Variants in FER observed in about 807,000 individuals in gnomAD.
The protein encoded by FER is tyrosine-protein kinase Fer.
A neutral mutation model predicts 111.0 loss-of-function variants in FER; 63 were observed. The ratio of observed to expected loss-of-function variants is 0.57; its 90% CI spans 0.46 to 0.70. The LOEUF (loss-of-function observed/expected upper bound fraction) is 0.70, where lower values mean the gene tolerates loss of function less well. FER is among the 30% of genes least tolerant of loss of function. FER has a pLI of 0.00. For missense variants in FER, 914 were observed against 954.0 expected (o/e 0.96, Z 0.55); for synonymous variants, 327 against 313.9 (o/e 1.04, Z -0.44).
intron 10 of FER, chr5:108,924,750 C>A: frequency 8.1e-7 from 1 of 1,232,026 alleles, no homozygotes; most frequent in Non-Finnish European, 1.0e-6. Context: ...CTTTAATGTT[C>A]AGCTCTGAGC....
chr5:109,089,924 C>T (rs371040771), intron 16 of FER, among the ~76,000 whole-genome samples: 12 of 152,258 alleles, frequency 7.9e-5, no homozygotes, highest in African/African-American at 2.6e-4. Flanking sequence ...TCCTGTGGTA[C>T]CAAAGGACCT....
chr5:108,779,730 G>A (rs887154009), intron 2 of FER, among the ~76,000 whole-genome samples: 4 of 152,160 alleles, frequency 2.6e-5, no homozygotes, highest in African/African-American at 9.7e-5. Context: ...CTTGTCATCT[G>A]TGAACAAACA....
chr5:108,787,942 T>C (rs1754925220), intron 2 of FER, among the ~76,000 whole-genome samples: 1 of 152,162 alleles, frequency 6.6e-6, no homozygotes, highest in Non-Finnish European at 1.5e-5. Context: ...GTGGGACAAG[T>C]GCTTGGGACC....
chr5:108,788,061 G>A (rs1004114484), intron 2 of FER, among the ~76,000 whole-genome samples: 3 of 152,304 alleles, frequency 2.0e-5, no homozygotes, highest in Non-Finnish European at 2.9e-5. Context: ...TGGCCCTTCT[G>A]GGATTCCAGA....
At chr5:108,796,220 A>C (rs554632962) in intron 2 of FER, among the ~76,000 whole-genome samples, 5 of 152,206 alleles carry the variant, frequency 3.3e-5, no homozygotes, top group Non-Finnish European at 7.3e-5. Flanking sequence ...ACTTTCTCCC[A>C]AACAAATGGA....
chr5:109,065,620 C>T (rs1774998932), intron 16 of FER, among the ~76,000 whole-genome samples: 1 of 152,070 alleles, frequency 6.6e-6, no homozygotes, highest in Non-Finnish European at 1.5e-5. Flanking sequence ...CTTTGGGAGC[C>T]TAAGGGTGGT....
At chr5:108,774,019 C>A (rs888170969) in intron 2 of FER, among the ~76,000 whole-genome samples, 4 of 151,932 alleles carry the variant, frequency 2.6e-5, no homozygotes, top group Non-Finnish European at 4.4e-5. Context: ...GTTTGCCGCA[C>A]CTATTGACCC....
At chr5:108,762,758 C>T (rs1198940876) in intron 1 of FER, among the ~76,000 whole-genome samples, 1 of 152,154 alleles carries the variant, frequency 6.6e-6, no homozygotes, top group Non-Finnish European at 1.5e-5. Flanking sequence ...ACACAGGCCT[C>T]CTTGTTTTTC....
chr5:109,095,003 A>T (rs1339780419), intron 16 of FER, among the ~76,000 whole-genome samples: 1 of 152,078 alleles, frequency 6.6e-6, no homozygotes, highest in Non-Finnish European at 1.5e-5. Context: ...TTAAAAATAC[A>T]GTGAAATGTA....
intron 13 of FER, among the ~76,000 whole-genome samples, chr5:109,001,428 C>A (rs566952805): frequency 3.3e-5 from 5 of 152,312 alleles, no homozygotes; most frequent in Admixed American, 2.6e-4. Flanking sequence ...TGACAAAATT[C>A]AACAACCATT....
At chr5:108,793,546 C>T (rs541318268) in intron 2 of FER, among the ~76,000 whole-genome samples, 10 of 146,726 alleles carry the variant, frequency 6.8e-5, no homozygotes, top group East Asian at 2.0e-4. Context: ...TACCCAGCAG[C>T]GGGATTGCTG....
At chr5:108,908,416 G>A (rs1357068352) in intron 10 of FER, among the ~76,000 whole-genome samples, 1 of 151,900 alleles carries the variant, frequency 6.6e-6, no homozygotes. Context: ...TAGTTTTTGG[G>A]TGCTCATTAA....
At chr5:108,845,053 T>TACAC (rs1561503443) in intron 5 of FER, among the ~76,000 whole-genome samples, 46 of 50,534 alleles carry the variant, frequency 9.1e-4, no homozygotes, top group Non-Finnish European at 1.4e-3. Context: ...TATATATATA[T>TACAC]ATATATATAT....
chr5:109,176,729 C>G (rs1288936392), intron 17 of FER, among the ~76,000 whole-genome samples: 2 of 152,020 alleles, frequency 1.3e-5, no homozygotes, highest in African/African-American at 2.4e-5. Flanking sequence ...ATATCACTGT[C>G]CCATAAATAT....
intron 2 of FER, among the ~76,000 whole-genome samples, chr5:108,786,821 C>A (rs1410232273): frequency 1.3e-5 from 2 of 152,126 alleles, no homozygotes; most frequent in African/African-American, 4.8e-5. Context: ...TTTTCTTAAA[C>A]CCTATTTTTT....
At chr5:108,885,641 T>C (rs2150293688) in intron 9 of FER, among the ~76,000 whole-genome samples, 1 of 151,944 alleles carries the variant, frequency 6.6e-6, no homozygotes, top group East Asian at 1.9e-4. Flanking sequence ...GGATCTCTTT[T>C]ATAATGGCAC....
chr5:109,014,519 G>A (rs894475255), intron 13 of FER, among the ~76,000 whole-genome samples: 17 of 152,204 alleles, frequency 1.1e-4, no homozygotes, highest in African/African-American at 3.4e-4. Context: ...GTAGCGTGAT[G>A]CCTCCAGCTT....
rs1000107972 is a variant in FER, at chr5:109,188,228, C to CA, written c.*654dup. 2 of 146,030 alleles carry CA rather than the reference C, an allele frequency of 1.4e-5. No homozygotes were observed. Among genetic ancestry groups the CA allele is most frequent in the African/African-American group, 5.0e-5 (2 of 40,322 alleles). The allele number at this position is 146,030 out of a possible 1,614,324, so 9.0% of individuals were successfully genotyped here. ...TGCACGTAGGTCGGGCACGGTGGCT[C>CA]ACGCCTGTAATCCCAGGCATGTAAT... On this transcript the variant is annotated 3_prime_UTR_variant, in exon 20 of 20. Transcript: ENST00000281092.
chr5:108,854,539 G>C (rs2150195824), intron 5 of FER, among the ~76,000 whole-genome samples: 1 of 152,272 alleles, frequency 6.6e-6, no homozygotes. Context: ...TAACTGACCT[G>C]GAATGCAATG....
Sources: gnomAD v4.1 joint callset for allele counts (sites outside exome capture counted in the v4.1 genomes callset) on GRCh38, gnomAD v4.1.1 for gene constraint, MANE v1.5 for transcripts, NCBI Gene and HGNC (gene_info 2026-07-23, HGNC 2026-07-21) for gene names.